CFAP299: variants seen among roughly 807,000 people sequenced by gnomAD.
CFAP299 encodes the protein cilia and flagella associated protein 299.
Under a neutral mutation model 27.0 loss-of-function variants are expected in CFAP299, and 21 were observed. The observed-to-expected ratio is 0.78, with a 90% confidence interval of 0.55 to 1.12. The LOEUF is 1.12. Among genes scored for constraint, CFAP299 ranks in the 50% most tolerant of loss-of-function variants. The pLI is 0.00. For synonymous variants in CFAP299, 104 were observed against 98.1 expected, an observed-to-expected ratio of 1.06 and a Z score of -0.36; for missense variants, 310 against 276.6, an observed-to-expected ratio of 1.12 and a Z score of -0.86.
chr4:80,562,657 C>CAATAATAATAATAAT (rs144281838), intron 2 of CFAP299, among the ~76,000 whole-genome samples: 8 of 140,840 alleles, frequency 5.7e-5, no homozygotes, highest in Non-Finnish European at 1.1e-4. Context: ...GACTCAATTT[C>CAATAATAATAATAAT]AATAATAATA....
chr4:80,856,245 G>C (rs1318265506), intron 3 of CFAP299, among the ~76,000 whole-genome samples: 1 of 146,678 alleles, frequency 6.8e-6, no homozygotes, highest in Non-Finnish European at 1.5e-5. Flanking sequence ...CCCACTTTTT[G>C]ATGGGGTTGT....
chr4:80,890,020 A>G lies in CFAP299; in HGVS notation c.476+19885A>G, dbSNP rs530282750. On this transcript the variant is annotated intron_variant, in intron 4 of 5. Coordinates refer to ENST00000358105, the MANE Select transcript of CFAP299 (RefSeq NM_152770.3). ...ATGTCAGATCCACAGCTAATATCAT[A>G]CTGAATGAGGTAAAACTGAAATCCT... Among the ~76,000 whole-genome samples the G allele has an allele frequency of 3.3e-5, 5 of 152,302 alleles. No homozygotes were observed. The South Asian group carries it at 1.0e-3, about 32-fold the overall frequency.
chr4:80,953,007 G>A (rs935317966), intron 5 of CFAP299, among the ~76,000 whole-genome samples: 3 of 152,044 alleles, frequency 2.0e-5, no homozygotes, highest in East Asian at 1.9e-4. Context: ...TTGGAACCTC[G>A]CCCTTCAGTG....
chr4:80,817,917 G>T (rs543183104), intron 3 of CFAP299, among the ~76,000 whole-genome samples: 13 of 151,876 alleles, frequency 8.6e-5, no homozygotes, highest in African/African-American at 3.1e-4. Flanking sequence ...TGCCGTGGTG[G>T]TTTGCTGCAC....
chr4:80,423,355 C>T (rs1727380965), intron 2 of CFAP299, among the ~76,000 whole-genome samples: 1 of 152,040 alleles, frequency 6.6e-6, no homozygotes, highest in Non-Finnish European at 1.5e-5. Flanking sequence ...ATTGGGGAGC[C>T]CCAAAATAAG....
intron 4 of CFAP299, among the ~76,000 whole-genome samples, chr4:80,939,465 C>A (rs1159303570): frequency 1.3e-5 from 2 of 149,692 alleles, no homozygotes; most frequent in South Asian, 4.2e-4. Context: ...TTGCAGCTCT[C>A]TGTTGATTTT....
At chr4:80,932,288 A>G (rs1238283203) in intron 4 of CFAP299, among the ~76,000 whole-genome samples, 5 of 152,238 alleles carry the variant, frequency 3.3e-5, no homozygotes, top group African/African-American at 1.2e-4. Flanking sequence ...CATTATCTGT[A>G]TTTTCCTAAA....
At chr4:80,511,035 T>A (rs971301451) in intron 2 of CFAP299, among the ~76,000 whole-genome samples, 1 of 152,174 alleles carries the variant, frequency 6.6e-6, no homozygotes. Context: ...GGAGTTTTTA[T>A]TAATACTTTG....
At chr4:80,699,730 T>TCA (rs2110025671) in intron 3 of CFAP299, among the ~76,000 whole-genome samples, 1 of 152,278 alleles carries the variant, frequency 6.6e-6, no homozygotes, top group South Asian at 2.1e-4. Flanking sequence ...TGCTAAGTTA[T>TCA]CACACATGCC....
At position 80,751,304 on chromosome 4, in the gene CFAP299, A is replaced by T. The variant is rs555944593; in HGVS notation, c.334-118689A>T. 2.6e-5 allele frequency among the ~76,000 whole-genome samples: 4 copies of T among 152,204 alleles called. No individual in the cohort carries two copies. The South Asian group carries it at 8.3e-4, about 32-fold the overall frequency. On this transcript the variant is annotated intron_variant, in intron 3 of 5. Coordinates refer to ENST00000358105, the MANE Select transcript of CFAP299 (RefSeq NM_152770.3). ...GGAGGTCTCAGTCAGGAGGAATGGG[A>T]TCAGAGACCTGCTTAAAGAAGCAGT...
At chr4:80,685,932 C>T (rs993170854) in intron 3 of CFAP299, among the ~76,000 whole-genome samples, 2 of 152,126 alleles carry the variant, frequency 1.3e-5, no homozygotes, top group African/African-American at 4.8e-5. Context: ...ATGGGATCTA[C>T]ATAGTGTATC....
At chr4:80,439,337 A>G (rs967937935) in intron 2 of CFAP299, among the ~76,000 whole-genome samples, 5 of 152,166 alleles carry the variant, frequency 3.3e-5, no homozygotes, top group African/African-American at 9.7e-5. Flanking sequence ...TGCATTTCCA[A>G]CTGAGGTACC....
intron 1 of CFAP299, among the ~76,000 whole-genome samples, chr4:80,341,432 G>A (rs932989022): frequency 6.6e-6 from 1 of 152,132 alleles, no homozygotes; most frequent in African/African-American, 2.4e-5. Context: ...GGAGGGTCTG[G>A]GCCAGCAACA....
chr4:80,854,597 G>A (rs1380585067), intron 3 of CFAP299, among the ~76,000 whole-genome samples: 2 of 151,510 alleles, frequency 1.3e-5, no homozygotes, highest in East Asian at 3.9e-4. Flanking sequence ...AGATGGATCA[G>A]CACATCTGAT....
chr4:80,696,508 T>C (rs1308854847), intron 3 of CFAP299, among the ~76,000 whole-genome samples: 1 of 151,938 alleles, frequency 6.6e-6, no homozygotes, highest in South Asian at 2.1e-4. Context: ...CAAATAAAAA[T>C]AATAAATAAA....
intron 4 of CFAP299, chr4:80,872,554 T>C (rs772517719): frequency 6.6e-6 from 1 of 152,120 alleles, no homozygotes; most frequent in Non-Finnish European, 1.5e-5. Context: ...TACCAAATTA[T>C]TTTTCAGAGT....
At chr4:80,567,268 G>A (rs1020073385) in intron 2 of CFAP299, among the ~76,000 whole-genome samples, 2 of 151,976 alleles carry the variant, frequency 1.3e-5, no homozygotes, top group Non-Finnish European at 2.9e-5. Flanking sequence ...AAAAAAAGAC[G>A]GGGAAAGTGA....
chr4:80,959,025 T>C (rs1452380401), intron 5 of CFAP299, among the ~76,000 whole-genome samples: 1 of 152,156 alleles, frequency 6.6e-6, no homozygotes, highest in African/African-American at 2.4e-5. Context: ...ATGTGAGCAG[T>C]CTGGTGAGAG....
At chr4:80,708,881 A>T (rs1252225856) in intron 3 of CFAP299, among the ~76,000 whole-genome samples, 1 of 152,184 alleles carries the variant, frequency 6.6e-6, no homozygotes, top group Non-Finnish European at 1.5e-5. Context: ...AACTATAAGC[A>T]TTGTTTACAA....
Sources: gnomAD v4.1 joint callset for allele counts (sites outside exome capture counted in the v4.1 genomes callset) on GRCh38, gnomAD v4.1.1 for gene constraint, MANE v1.5 for transcripts, NCBI Gene and HGNC (gene_info 2026-07-23, HGNC 2026-07-21) for gene names.